Variants in RO60 observed in about 807,000 individuals in gnomAD.
RO60 encodes RNA-binding protein RO60.
A neutral mutation model predicts 55.3 loss-of-function variants in RO60; 20 were observed. That is an observed-to-expected ratio of 0.36 (90% CI 0.25 to 0.53). The LOEUF (loss-of-function observed/expected upper bound fraction) is 0.53. Among genes scored for constraint, RO60 ranks in the 20% least tolerant of loss-of-function variants. RO60 has a pLI of 0.92. For synonymous variants in RO60, 213 were observed against 213.6 expected (o/e 1.00, Z 0.02); for missense variants, 558 against 646.6 (o/e 0.86, Z 1.49).
At chr1:193,082,083 GA>G in intron 6 of RO60, 102 bp from the exon 7 acceptor site, 1 of 760,712 alleles carries the variant, frequency 1.3e-6, no homozygotes, top group Non-Finnish European at 2.3e-6. Flanking sequence ...AAAAAGTTAA[GA>G]AATAAACATC....
At position 193,087,776 on chromosome 1, in the gene RO60, G is replaced by A. The variant is rs1312163886; in HGVS notation, c.*3045G>A. The A allele has an allele frequency of 1.3e-5, 2 of 151,296 alleles. No individual in the cohort carries two copies. Among genetic ancestry groups the A allele is most frequent in the Admixed American group, 1.3e-4 (2 of 15,142 alleles). 9.4% of individuals were successfully genotyped at this position (151,296 alleles called of 1,614,324 possible). On this transcript the variant is annotated 3_prime_UTR_variant, in exon 9 of 9. Coordinates refer to ENST00000400968, the MANE Select transcript of RO60 (RefSeq NM_001173524.2). The stretch of plus-strand genomic sequence containing the variant: ...TTTTTTTTTGGTTAAAAACATTCTT[G>A]TTAATAAGATACGTATTTCAAAAGA...
intron 2 of RO60, among the ~76,000 whole-genome samples, chr1:193,071,246 C>G (rs997056939): frequency 4.6e-5 from 7 of 152,216 alleles, no homozygotes; most frequent in Non-Finnish European, 7.3e-5. Flanking sequence ...CAGTTCCTAA[C>G]AGGCCACGGA....
chr1:193,064,729 G>A (rs967987188), intron 1 of RO60, among the ~76,000 whole-genome samples: 1 of 152,300 alleles, frequency 6.6e-6, no homozygotes, highest in Admixed American at 6.5e-5. Context: ...AATACTGAAA[G>A]GGTATGTCCT....
rs748389916 is a variant in RO60, at chr1:193,082,206, A to G, written c.1224A>G (p.Lys408=). ...AMCMVVTRTE[K]DSYVVAFSDE... ...TTCAGGTTGTCACACGAACAGAAAA[A>G]GATTCTTATGTAGTTGCTTTTTCCG... is the stretch of plus-strand genomic sequence containing the variant. Residue 408 remains lysine, a synonymous_variant, in exon 7 of 9, where the codon AAA becomes AAG. Transcript: ENST00000400968. 1 of 1,612,598 alleles carries G rather than the reference A, an allele frequency of 6.2e-7. No homozygotes were observed. Among genetic ancestry groups the G allele is most frequent in the Non-Finnish European group, 8.5e-7 (1 of 1,179,312 alleles).
intron 2 of RO60, 48 bp downstream of exon 2, chr1:193,069,682 A>G (rs1221812408): frequency 2.1e-6 from 3 of 1,422,432 alleles, no homozygotes; most frequent in Non-Finnish European, 2.9e-6. Context: ...AGGGATATTC[A>G]ATAAATAGCA....
In RO60 at chr1:193,059,643, C is replaced by T. The variant is rs1463490083; in HGVS notation, c.-155C>T. The T allele has an allele frequency of 4.3e-6, 6 of 1,391,104 alleles. No individual in the cohort carries two copies. The highest frequency in any genetic ancestry group is 4.2e-5 in the East Asian group (1 of 23,926). 86.2% of individuals were successfully genotyped at this position (1,391,104 alleles called of 1,614,324 possible). The stretch of plus-strand genomic sequence containing the variant: ...TCCCGGGAACCGAACCTGGAATCCC[C>T]GGCGGCAGTGGGGCTGTTGCTGTTG... On this transcript the variant is annotated 5_prime_UTR_variant, in exon 1 of 9. Coordinates refer to ENST00000400968, the MANE Select transcript of RO60 (RefSeq NM_001173524.2). The surrounding 1 kb of genome is among the most constrained non-coding windows in gnomAD (Gnocchi z 4.9).
chr1:193,081,449 A>G lies in RO60; in HGVS notation c.1172A>G (p.Asn391Ser). 1 of 1,610,358 alleles carries G rather than the reference A, an allele frequency of 6.2e-7. No individual in the cohort carries two copies. The highest frequency in any genetic ancestry group is 1.1e-5 in the South Asian group (1 of 90,124). ...CAAAGAGTTTTGGGTAGTATACTCA[A>G]CGCTAGTACAGTTGCTGCAGCAATG... ...MNQRVLGSILNASTVAAAMCM... is the reference protein window; with the variant it reads ...MNQRVLGSILSASTVAAAMCM... The change falls in exon 6 of 9, where the codon AAC becomes AGC. Residue 391 changes from asparagine to serine, a missense_variant. Coordinates refer to ENST00000400968, the MANE Select transcript of RO60 (RefSeq NM_001173524.2).
At chr1:193,070,716 G>A (rs76437632) in intron 2 of RO60, 8,153 of 264,920 alleles carry the variant, frequency 0.031, 181 homozygotes, top group Non-Finnish European at 0.044. Flanking sequence ...CACCTAACAT[G>A]TAGTAGAAGT....
Position 193,080,274 on chromosome 1 carries a change from G to A in RO60, c.1087-1090G>A, listed in dbSNP as rs910012847. On this transcript the variant is annotated intron_variant, in intron 5 of 8. Coordinates refer to ENST00000400968, the MANE Select transcript of RO60 (RefSeq NM_001173524.2). The stretch of plus-strand genomic sequence containing the variant: ...GCAGAAAACAAGAGTTGGGGAAGAT[G>A]TGGAGAAATTGGAACCCTAGTGTAT... 5.9e-5 allele frequency among the ~76,000 whole-genome samples: 9 copies of A among 152,328 alleles called. No homozygotes were observed. The South Asian group carries it at 1.0e-3, about 18-fold the overall frequency.
In RO60 at chr1:193,082,728, G is replaced by A. The variant is rs767317013; in HGVS notation, c.1464+20G>A. 170 of 1,582,938 alleles carry A rather than the reference G, an allele frequency of 1.1e-4. No individual in the cohort carries two copies. The highest frequency in any genetic ancestry group is 1.3e-4 in the Non-Finnish European group (155 of 1,165,570). On this transcript the variant is annotated intron_variant, in intron 8 of 8. Coordinates refer to ENST00000400968, the MANE Select transcript of RO60 (RefSeq NM_001173524.2). ...CGAAAGGTAAAACAAATTCTAATAC[G>A]GTTCCTCACCCAAATAATATTATTT...
At position 193,076,058 on chromosome 1, in the gene RO60, T is replaced by TAC. The variant is rs1246750350; in HGVS notation, c.801+20_801+21dup. 1.3e-6 allele frequency: 2 copies of TAC among 1,542,986 alleles called. No individual in the cohort carries two copies. Among genetic ancestry groups the TAC allele is most frequent in the Non-Finnish European group, 1.8e-6 (2 of 1,129,872 alleles). Reference sequence around the variant, plus strand: ...CTAAAGAGGTGAGTGAATTATATGTTACAGCATGTGATTAAACATGAGTAA... The same window carrying TAC: ...CTAAAGAGGTGAGTGAATTATATGTTACACAGCATGTGATTAAACATGAGTAA... On this transcript the variant is annotated intron_variant, in intron 3 of 8. Transcript: ENST00000400968.
At chr1:193,077,143 A>G in intron 5 of RO60, 93 bp downstream of exon 5, 1 of 1,229,200 alleles carries the variant, frequency 8.1e-7, no homozygotes, top group Non-Finnish European at 1.1e-6. Context: ...TAGTTTAATC[A>G]TTTTTTAATT....
intron 1 of RO60, chr1:193,060,104 CCTT>C (rs1672413167): frequency 4.1e-6 from 5 of 1,220,500 alleles, no homozygotes; most frequent in East Asian, 5.4e-5. Context: ...TCTTTCTCCT[CCTT>C]CTCCCGCGGC....
rs1674680525 is a variant in RO60, at chr1:193,087,784, G to C, written c.*3053G>C. The C allele has an allele frequency of 6.6e-6, 1 of 151,610 alleles. No homozygotes were observed. Among genetic ancestry groups the C allele is most frequent in the Non-Finnish European group, 1.5e-5 (1 of 67,930 alleles). 9.4% of individuals were successfully genotyped at this position (151,610 alleles called of 1,614,324 possible). On this transcript the variant is annotated 3_prime_UTR_variant, in exon 9 of 9. Coordinates refer to ENST00000400968, the MANE Select transcript of RO60 (RefSeq NM_001173524.2). ...TGGTTAAAAACATTCTTGTTAATAA[G>C]ATACGTATTTCAAAAGATAAAATGT...
intron 1 of RO60, among the ~76,000 whole-genome samples, chr1:193,064,159 G>A (rs1431153521): frequency 6.6e-6 from 1 of 152,346 alleles, no homozygotes; most frequent in East Asian, 1.9e-4. Context: ...GCTCCACTGA[G>A]TATCGATGAA....
intron 2 of RO60, chr1:193,070,765 T>G (rs1195650179): frequency 5.7e-6 from 1 of 175,148 alleles, no homozygotes; most frequent in Non-Finnish European, 1.3e-5. Flanking sequence ...ACACATATTT[T>G]TATATACAGA....
chr1:193,059,829 G>T lies in RO60; in HGVS notation c.-22+53G>T. 1 of 1,358,888 alleles carries T rather than the reference G, an allele frequency of 7.4e-7. No individual in the cohort carries two copies. The highest frequency in any genetic ancestry group is 9.8e-7 in the Non-Finnish European group (1 of 1,018,322). 84.2% of individuals were successfully genotyped at this position (1,358,888 alleles called of 1,614,324 possible). A position where few individuals can be genotyped will look rare whatever the true frequency, so the allele number is the denominator to read the frequency against. The stretch of plus-strand genomic sequence containing the variant: ...GAGCCTTTTGTGCGGCCCCAGGGAC[G>T]CGCAAATTCTGACCAGTCCTCCATG... On this transcript the variant is annotated intron_variant, in intron 1 of 8. Coordinates refer to ENST00000400968, the MANE Select transcript of RO60 (RefSeq NM_001173524.2). This position sits in a 1 kb window ranked among gnomAD's most constrained non-coding sequence, Gnocchi z 4.9.
At chr1:193,060,098 TCTC>T in intron 1 of RO60, 1 of 1,224,628 alleles carries the variant, frequency 8.2e-7, no homozygotes. Context: ...TCCTCCTCTT[TCTC>T]CTCCTTCTCC....
chr1:193,067,688 C>G (rs1262459478), intron 1 of RO60, among the ~76,000 whole-genome samples: 1 of 152,034 alleles, frequency 6.6e-6, no homozygotes. Context: ...TAGTGGTGGA[C>G]TGATGAAGAA....
Sources: gnomAD v4.1 joint callset for allele counts (sites outside exome capture counted in the v4.1 genomes callset) on GRCh38, gnomAD v4.1.1 for gene constraint, Gnocchi (gnomAD v3.1) non-coding constraint, MANE v1.5 for transcripts, NCBI Gene and HGNC (gene_info 2026-07-23, HGNC 2026-07-21) for gene names.